Variants in NTRK1 observed in about 807,000 individuals in gnomAD.
NTRK1 encodes high affinity nerve growth factor receptor.
Under a neutral mutation model 86.8 loss-of-function variants are expected in NTRK1, and 62 were observed. That is an observed-to-expected ratio of 0.71 (90% CI 0.58 to 0.88). NTRK1 has a LOEUF of 0.88. Ranked by LOEUF, NTRK1 falls within the 40% of genes least tolerant of loss-of-function variation. The pLI is 0.00. For synonymous variants in NTRK1, 469 were observed against 456.6 expected, an observed-to-expected ratio of 1.03 and a Z score of -0.35; for missense variants, 967 against 1,078.4, an observed-to-expected ratio of 0.90 and a Z score of 1.45.
intron 2 of NTRK1, chr1:156,853,745 T>C (rs1306981410): frequency 5.0e-6 from 8 of 1,591,550 alleles, no homozygotes; most frequent in Non-Finnish European, 6.9e-6. Flanking sequence ...TCTGTGCCAG[T>C]GCCCACCTCT....
In NTRK1 at chr1:156,854,229, G is replaced by A; in HGVS notation, c.51-10125G>A. ...GTGAACATGAGCAGGATCTGCAGGT[G>A]GCCCTCCACCACGCTGCAGTTCTCC... On this transcript the variant is annotated intron_variant, in intron 2 of 16. Coordinates refer to the NTRK1 transcript ENST00000392302. This position sits in a 1 kb window ranked among gnomAD's most constrained non-coding sequence, Gnocchi z 4.2. 1.2e-6 allele frequency: 2 copies of A among 1,613,948 alleles called. No homozygotes were observed. The highest frequency in any genetic ancestry group is 1.7e-6 in the Non-Finnish European group (2 of 1,180,004).
At chr1:156,844,881 G>A (rs772436796) in intron 2 of NTRK1, 7 of 1,611,962 alleles carry the variant, frequency 4.3e-6, no homozygotes, top group African/African-American at 1.3e-5. Context: ...GCCAAAAGTG[G>A]TTCATCTCAC....
At chr1:156,848,833 C>T in intron 2 of NTRK1, 1 of 1,469,138 alleles carries the variant, frequency 6.8e-7, no homozygotes, top group South Asian at 1.3e-5. Context: ...CATAGCCTCG[C>T]TGAGCTCCGC....
chr1:156,848,885 T>C (rs1281781551), intron 2 of NTRK1: 7 of 1,545,678 alleles, frequency 4.5e-6, no homozygotes, highest in East Asian at 4.9e-5. Flanking sequence ...CCTCGTCCGG[T>C]CCCGCCCCCG....
At chr1:156,867,785 T>C (rs1647251978) in intron 4 of NTRK1, among the ~76,000 whole-genome samples, 1 of 152,120 alleles carries the variant, frequency 6.6e-6, no homozygotes. Context: ...GCCATTCTCC[T>C]GCCTCAGCCT....
rs1263292386 is a variant in NTRK1 at position 156,871,514 on chromosome 1, G to A, written c.718-109G>A. On this transcript the variant is annotated intron_variant, in intron 6 of 16. Transcript: ENST00000524377. ...CCTCTCTCCCTTCTCTTCCCTCCCA[G>A]CCCTCCTCTCCTTTCCATCTGGAGC... is the stretch of plus-strand genomic sequence containing the variant. 20 of 1,199,464 alleles carry A rather than the reference G, an allele frequency of 1.7e-5. No individual in the cohort carries two copies. In the East Asian group the frequency reaches 4.7e-4, roughly 28 times the overall value. 74.3% of individuals were successfully genotyped at this position (1,199,464 alleles called of 1,614,324 possible).
rs527508656 is a variant in NTRK1 at position 156,861,961 on chromosome 1, A to C, written c.212+815A>C. Among the ~76,000 whole-genome samples, 3 of 152,346 alleles carry C rather than the reference A, an allele frequency of 2.0e-5. No individual in the cohort carries two copies. In the South Asian group the frequency reaches 6.2e-4, roughly 32 times the overall value. ...GTGAAACCTATGGGAGTATGCGGTA[A>C]TGACTGGCCTGGAGGTACTCAGGCA... is the stretch of plus-strand genomic sequence containing the variant. On this transcript the variant is annotated intron_variant, in intron 1 of 16. Coordinates refer to ENST00000524377, the MANE Select transcript of NTRK1 (RefSeq NM_002529.4).
In NTRK1 at chr1:156,876,506, C is replaced by G. The variant is rs777123174; in HGVS notation, c.1739C>G (p.Thr580Ser). 11 of 1,613,720 alleles carry G rather than the reference C, an allele frequency of 6.8e-6. No individual in the cohort carries two copies. In the South Asian group the frequency reaches 1.2e-4, roughly 18 times the overall value. Residue 580 changes from threonine to serine, a missense_variant, in exon 14 of 17, where the codon ACC becomes AGC. This residue lies in a region of NTRK1 where 637 missense variants were observed against 776.5 expected (regional missense o/e 0.82). Coordinates refer to ENST00000524377, the MANE Select transcript of NTRK1 (RefSeq NM_002529.4). ...ATCGTGCGCTTCTTCGGCGTCTGCA[C>G]CGAGGGCCGCCCCCTGCTCATGGTC... ...QHIVRFFGVC[T>S]EGRPLLMVFE...
At chr1:156,862,254 A>ATC (rs376359280) in intron 1 of NTRK1, among the ~76,000 whole-genome samples, 1 of 152,038 alleles carries the variant, frequency 6.6e-6, no homozygotes, top group Non-Finnish European at 1.5e-5. Context: ...AAGGCACTCA[A>ATC]TCTCTCTCTC....
intron 2 of NTRK1, chr1:156,845,328 C>G: frequency 6.2e-7 from 1 of 1,609,170 alleles, no homozygotes; most frequent in Non-Finnish European, 8.5e-7. Context: ...CAAGGCCCAG[C>G]CCCCAAAGCC....
At position 156,842,168 on chromosome 1, in the gene NTRK1, C is replaced by T. The variant is rs753223410; in HGVS notation, c.25C>T (p.Arg9Trp). 91 of 1,613,962 alleles carry T rather than the reference C, an allele frequency of 5.6e-5. No individual in the cohort carries two copies. The Middle Eastern group carries it at 1.2e-3, about 20-fold the overall frequency. The change falls in exon 2 of 17, where the codon CGG (arginine) becomes TGG (tryptophan). Residue 9 changes from arginine (R) to tryptophan (W), a missense_variant. Transcript: ENST00000392302. ...CATGCAGTTGCGGGCTGCTAGATCT[C>T]GGTGCACAAACTTGTTGGCAGCAAG...
At chr1:156,877,930 A>T (rs556160035) in intron 14 of NTRK1, among the ~76,000 whole-genome samples, 1 of 152,264 alleles carries the variant, frequency 6.6e-6, no homozygotes, top group African/African-American at 2.4e-5. Flanking sequence ...GTGGAGGAGG[A>T]TAGGCACAGA....
At chr1:156,867,303 G>T (rs1006721515) in intron 4 of NTRK1, among the ~76,000 whole-genome samples, 1 of 152,204 alleles carries the variant, frequency 6.6e-6, no homozygotes, top group East Asian at 1.9e-4. Flanking sequence ...GGCAGCAGGG[G>T]TCCATGTGTA....
At position 156,851,303 on chromosome 1, in the gene NTRK1, C is replaced by T. The variant is rs373665204; in HGVS notation, c.50+9110C>T. 139 of 1,613,988 alleles carry T rather than the reference C, an allele frequency of 8.6e-5. No homozygotes were observed. The highest frequency in any genetic ancestry group is 1.1e-4 in the Non-Finnish European group (127 of 1,180,016). ...CCTAACCCTTACCCATCCACCATGG[C>T]GTCTCCCCGGATTAGTTTGAGGTTC... On this transcript the variant is annotated intron_variant, in intron 2 of 16. Coordinates refer to the NTRK1 transcript ENST00000392302.
At chr1:156,821,526 G>C (rs1040275559) in intron 1 of NTRK1, among the ~76,000 whole-genome samples, 3 of 151,392 alleles carry the variant, frequency 2.0e-5, no homozygotes, top group Non-Finnish European at 2.9e-5. Flanking sequence ...CAGAAGACAT[G>C]AGATTAAGCT....
rs545127880 is a variant in NTRK1, at chr1:156,878,054, T to G, written c.1806-1068T>G. ...AGATACCAGCATCTGGGGCCCAGGC[T>G]GTGGGAGACGAGGCTCTAACTGCTG... On this transcript the variant is annotated intron_variant, in intron 14 of 16. Coordinates refer to ENST00000524377, the MANE Select transcript of NTRK1 (RefSeq NM_002529.4). 3.3e-5 allele frequency among the ~76,000 whole-genome samples: 5 copies of G among 152,276 alleles called. No individual in the cohort carries two copies. The South Asian group carries it at 1.0e-3, about 32-fold the overall frequency.
intron 2 of NTRK1, among the ~76,000 whole-genome samples, chr1:156,847,441 G>C (rs2102861025): frequency 6.6e-6 from 1 of 152,296 alleles, no homozygotes; most frequent in East Asian, 1.9e-4. Context: ...GATGACAGTG[G>C]GCCCCCCATG....
Position 156,860,944 on chromosome 1 carries a change from G to T in NTRK1, c.10G>T (p.Gly4Cys). 6.7e-7 allele frequency: 1 copy of T among 1,492,910 alleles called. No individual in the cohort carries two copies. The highest frequency in any genetic ancestry group is 2.2e-5 in the Admixed American group (1 of 45,608). The allele number at this position is 1,492,910 out of a possible 1,614,324, so 92.5% of individuals were successfully genotyped here. MLR[G>C]GRRGQLGWHS... ...GGCGGGCGCCGCCGCGATGCTGCGA[G>T]GCGGACGGCGCGGGCAGCTTGGCTG... The change falls in exon 1 of 17, where the codon GGC (glycine) becomes TGC (cysteine). Residue 4 changes from glycine to cysteine, a missense_variant. Around this residue, in one of 2 missense-constraint regions of NTRK1, gnomAD observed 330 missense variants for 302.0 expected, o/e 1.09. Transcript: ENST00000524377.
intron 2 of NTRK1, chr1:156,843,046 GA>G: frequency 6.2e-7 from 1 of 1,614,098 alleles, no homozygotes; most frequent in Non-Finnish European, 8.5e-7. Context: ...AAGCTTCCTT[GA>G]GGAACTCAAT....
Sources: gnomAD v4.1 joint callset for allele counts (sites outside exome capture counted in the v4.1 genomes callset) on GRCh38, gnomAD v4.1.1 for gene constraint, gnomAD v4.1.1 regional missense constraint, Gnocchi (gnomAD v3.1) non-coding constraint, MANE v1.5 for transcripts, NCBI Gene and HGNC (gene_info 2026-07-23, HGNC 2026-07-21) for gene names.